LOXL2: variants seen among roughly 807,000 people sequenced by gnomAD.
The protein encoded by LOXL2 is lysyl oxidase like 2.
LOXL2 carries 70 observed loss-of-function variants against 93.0 expected under a neutral mutation model. That is an observed-to-expected ratio of 0.75 (90% CI 0.62 to 0.92). LOXL2 has a LOEUF of 0.92. Ranked by LOEUF, LOXL2 falls within the 40% of genes least tolerant of loss-of-function variation. The pLI, the probability that LOXL2 is intolerant of heterozygous loss-of-function variation, is 0.00. For synonymous variants in LOXL2, 438 were observed against 413.2 expected, an observed-to-expected ratio of 1.06 and a Z score of -0.73; for missense variants, 973 against 1,054.9, an observed-to-expected ratio of 0.92 and a Z score of 1.08.
intron 3 of LOXL2, among the ~76,000 whole-genome samples, chr8:23,342,727 G>C (rs943084880): frequency 2.0e-5 from 3 of 151,832 alleles, no homozygotes; most frequent in African/African-American, 7.3e-5. Flanking sequence ...CACCGTGCCC[G>C]GCCTTTTTTT....
intron 10 of LOXL2, 46 bp downstream of exon 10, chr8:23,309,622 A>C: frequency 7.3e-7 from 1 of 1,371,974 alleles, no homozygotes; most frequent in Middle Eastern, 2.7e-4. Context: ...GGCCTGCAGG[A>C]TGTCCGCCGG....
In LOXL2 at chr8:23,309,553, C is replaced by T. The variant is rs189959232; in HGVS notation, c.1880+115G>A. On this transcript the variant is annotated intron_variant, in intron 10 of 13. Coordinates refer to ENST00000389131, the MANE Select transcript of LOXL2 (RefSeq NM_002318.3). ...GCCCCCCACTTAGGAGGATCCTATC[C>T]CCAGGCCATGCAGCCTCTTGGCTCT... is the stretch of plus-strand genomic sequence containing the variant. The T allele has an allele frequency of 3.6e-4, 441 of 1,214,668 alleles. 5 individuals carry two copies. The African/African-American group carries it at 6.5e-3, about 18-fold the overall frequency. 75.2% of individuals were successfully genotyped at this position (1,214,668 alleles called of 1,614,324 possible).
At position 23,299,469 on chromosome 8, in the gene LOXL2, G is replaced by C. The variant is rs557057952; in HGVS notation, c.2134-522C>G. Among the ~76,000 whole-genome samples the C allele has an allele frequency of 2.6e-5, 4 of 152,276 alleles. No homozygotes were observed. The South Asian group carries it at 6.2e-4, about 24-fold the overall frequency. On this transcript the variant is annotated intron_variant, in intron 12 of 13. Transcript: ENST00000389131. Reference sequence around the variant, plus strand: ...CATGTCCCTGTCTGCTCTGCTGGCCGAGGGCCTGGCTCTGGGGCTGCTGGA... The same window carrying C: ...CATGTCCCTGTCTGCTCTGCTGGCCCAGGGCCTGGCTCTGGGGCTGCTGGA...
chr8:23,379,514 G>A (rs1251354025), intron 1 of LOXL2, among the ~76,000 whole-genome samples: 1 of 152,200 alleles, frequency 6.6e-6, no homozygotes, highest in Non-Finnish European at 1.5e-5. Context: ...CTTTTGTTCG[G>A]CCATGCCCTG....
Position 23,371,548 on chromosome 8 carries a change from C to T in LOXL2, c.-83-3114G>A, listed in dbSNP as rs1160170903. Among the ~76,000 whole-genome samples, 17 of 151,680 alleles carry T rather than the reference C, an allele frequency of 1.1e-4. 1 individual carries two copies. The South Asian group carries it at 3.5e-3, about 32-fold the overall frequency. ...CGGGCGGATCACAAGGTCAGGAGAT[C>T]AAGCCCATCCCGGCTAACACGGTGA... On this transcript the variant is annotated intron_variant, in intron 1 of 13. Transcript: ENST00000389131.
At chr8:23,329,961 G>A (rs1183478498) in intron 5 of LOXL2, among the ~76,000 whole-genome samples, 2 of 152,076 alleles carry the variant, frequency 1.3e-5, no homozygotes, top group Admixed American at 6.5e-5. Context: ...TCTGACCCCC[G>A]CAGTATGGGG....
At chr8:23,320,091 C>G in intron 7 of LOXL2, 39 bp from the exon 8 acceptor site, 1 of 1,606,538 alleles carries the variant, frequency 6.2e-7, no homozygotes, top group Non-Finnish European at 8.5e-7. Flanking sequence ...CCAAGAGGGA[C>G]AAGGGAGCTT....
intron 1 of LOXL2, among the ~76,000 whole-genome samples, chr8:23,376,231 T>C (rs1464486672): frequency 6.6e-6 from 1 of 152,258 alleles, no homozygotes; most frequent in Non-Finnish European, 1.5e-5. Context: ...GTTTAGATGC[T>C]GGATTACGTT....
chr8:23,350,382 C>A (rs34658243), intron 3 of LOXL2, among the ~76,000 whole-genome samples: 39,018 of 151,828 alleles, frequency 0.26, 6,233 homozygotes, highest in African/African-American at 0.46. Flanking sequence ...AGTTTGAGAC[C>A]AGCCTGGCCA....
intron 2 of LOXL2, among the ~76,000 whole-genome samples, chr8:23,367,224 T>A (rs1213567073): frequency 1.3e-5 from 2 of 152,102 alleles, no homozygotes; most frequent in Non-Finnish European, 2.9e-5. Context: ...AATTTTTGTA[T>A]TTTTAGTAGA....
chr8:23,362,082 C>T (rs568051560), intron 2 of LOXL2, among the ~76,000 whole-genome samples: 152 of 152,276 alleles, frequency 1.0e-3, no homozygotes, highest in African/African-American at 3.2e-3. Context: ...CAGTATTATT[C>T]GCAATAGCCA....
At chr8:23,315,175 C>A (rs1490518837) in intron 9 of LOXL2, among the ~76,000 whole-genome samples, 2 of 151,850 alleles carry the variant, frequency 1.3e-5, no homozygotes, top group Non-Finnish European at 2.9e-5. Context: ...GCAACAGTGG[C>A]AGGGAAAGAC....
chr8:23,353,193 A>G (rs1261424206), intron 3 of LOXL2, among the ~76,000 whole-genome samples: 2 of 152,100 alleles, frequency 1.3e-5, no homozygotes, highest in African/African-American at 4.8e-5. Flanking sequence ...TGGATTTGTC[A>G]TCTTTCCTTA....
chr8:23,362,369 G>A (rs750871351), intron 2 of LOXL2, among the ~76,000 whole-genome samples: 4 of 152,210 alleles, frequency 2.6e-5, no homozygotes, highest in Non-Finnish European at 5.9e-5. Flanking sequence ...TTTGCAAAAT[G>A]GAAAAGTTCT....
intron 2 of LOXL2, chr8:23,363,606 A>T (rs1217423309): frequency 1.3e-5 from 2 of 152,268 alleles, no homozygotes; most frequent in Non-Finnish European, 2.9e-5. Context: ...TTCCATCTGC[A>T]GTGAGAGAAA....
chr8:23,352,733 C>T (rs994215339), intron 3 of LOXL2, among the ~76,000 whole-genome samples: 9 of 152,054 alleles, frequency 5.9e-5, no homozygotes, highest in African/African-American at 1.9e-4. Context: ...TCCAGAAGAA[C>T]GCGAGAGAGC....
intron 1 of LOXL2, among the ~76,000 whole-genome samples, chr8:23,370,116 C>A (rs1033032511): frequency 2.6e-5 from 4 of 152,112 alleles, no homozygotes; most frequent in African/African-American, 9.7e-5. Flanking sequence ...GTGGCACGTG[C>A]CTACCTTCCC....
At chr8:23,341,270 C>T (rs909050271) in intron 3 of LOXL2, 67 bp from the exon 4 acceptor site, 6 of 1,299,082 alleles carry the variant, frequency 4.6e-6, no homozygotes, top group Non-Finnish European at 6.7e-6. Context: ...CACCAGGCAA[C>T]CAGTACTTCT....
At chr8:23,317,766 C>T (rs1308546904) in intron 8 of LOXL2, among the ~76,000 whole-genome samples, 1 of 152,176 alleles carries the variant, frequency 6.6e-6, no homozygotes, top group African/African-American at 2.4e-5. Flanking sequence ...TACTCTCACA[C>T]TTCAGAGAAG....
Sources: allele counts gnomAD v4.1 joint callset (sites outside exome capture counted in the v4.1 genomes callset), GRCh38; gene constraint gnomAD v4.1.1; transcripts MANE v1.5; gene names NCBI Gene and HGNC (gene_info 2026-07-23, HGNC 2026-07-21).